ZNRF3: variants seen among roughly 807,000 people sequenced by gnomAD.
ZNRF3 encodes zinc and ring finger 3.
A neutral mutation model predicts 72.5 loss-of-function variants in ZNRF3; 23 were observed. The observed-to-expected ratio is 0.32, with a 90% CI of 0.23 to 0.45. The LOEUF is 0.45. Ranked by LOEUF, ZNRF3 falls within the 20% of genes least tolerant of loss-of-function variation. The pLI is 1.00. For synonymous variants in ZNRF3, 610 were observed against 545.3 expected, an observed-to-expected ratio of 1.12 and a Z score of -1.65; for missense variants, 1,169 against 1,272.1, an observed-to-expected ratio of 0.92 and a Z score of 1.23.
At chr22:28,923,198 T>A (rs1212331043) in intron 1 of ZNRF3, among the ~76,000 whole-genome samples, 1 of 152,170 alleles carries the variant, frequency 6.6e-6, no homozygotes. Context: ...TGAGAGTGGG[T>A]TCTTGTATTT....
chr22:29,001,086 T>TG (rs59583060), intron 2 of ZNRF3, among the ~76,000 whole-genome samples: 1 of 139,326 alleles, frequency 7.2e-6, no homozygotes, highest in Non-Finnish European at 1.5e-5. Context: ...TTTTTTTTTT[T>TG]GAGATGGAGT....
intron 1 of ZNRF3, among the ~76,000 whole-genome samples, chr22:28,960,167 T>C (rs1364675029): frequency 2.6e-5 from 4 of 152,184 alleles, no homozygotes; most frequent in African/African-American, 7.2e-5. Flanking sequence ...GGGAAGCATG[T>C]TAAAAAACCA....
intron 1 of ZNRF3, among the ~76,000 whole-genome samples, chr22:28,963,189 A>T (rs1466357876): frequency 6.6e-6 from 1 of 152,230 alleles, no homozygotes. Flanking sequence ...CCATGTAATG[A>T]AGCAGGAAAC....
At chr22:29,020,250 T>A (rs1040224525) in intron 2 of ZNRF3, among the ~76,000 whole-genome samples, 1 of 35,856 alleles carries the variant, frequency 2.8e-5, no homozygotes, top group East Asian at 7.2e-4. Flanking sequence ...ACAACCATCC[T>A]TTTTTTTTTT....
At chr22:28,895,650 G>A (rs1209531457) in intron 1 of ZNRF3, among the ~76,000 whole-genome samples, 9 of 152,066 alleles carry the variant, frequency 5.9e-5, no homozygotes, top group Admixed American at 5.9e-4. Flanking sequence ...CTGGGCGACA[G>A]AGCGAGACTC....
At chr22:29,009,373 TAAGG>T (rs2036310560) in intron 2 of ZNRF3, among the ~76,000 whole-genome samples, 1 of 152,008 alleles carries the variant, frequency 6.6e-6, no homozygotes, top group Admixed American at 6.6e-5. Flanking sequence ...GTCCCCTTGA[TAAGG>T]AAGGCATTTC....
At chr22:28,886,866 G>A (rs979956587) in intron 1 of ZNRF3, among the ~76,000 whole-genome samples, 1 of 152,044 alleles carries the variant, frequency 6.6e-6, no homozygotes, top group Non-Finnish European at 1.5e-5. Context: ...TGAGGTGGGA[G>A]GATTGCTTGA....
intron 1 of ZNRF3, among the ~76,000 whole-genome samples, chr22:28,914,814 CAAAAAAAA>C (rs567975458): frequency 1.4e-5 from 1 of 69,316 alleles, no homozygotes; most frequent in Non-Finnish European, 3.1e-5. Flanking sequence ...AACTCCGTCT[CAAAAAAAA>C]AAAAAAAAAA....
intron 1 of ZNRF3, among the ~76,000 whole-genome samples, chr22:28,886,155 AGAGTG>A (rs1202929083): frequency 6.6e-6 from 1 of 152,248 alleles, no homozygotes; most frequent in African/African-American, 2.4e-5. Context: ...TTCTGCGGAC[AGAGTG>A]CAGTGTGGCT....
rs372388472 is a variant in ZNRF3, at chr22:28,999,353, A to T, written c.426+12152A>T. 4.6e-4 allele frequency among the ~76,000 whole-genome samples: 70 copies of T among 151,996 alleles called. 1 individual carries two copies. The South Asian group carries it at 0.014, about 31-fold the overall frequency. On this transcript the variant is annotated intron_variant, in intron 2 of 8. Transcript: ENST00000544604. ...TGTCTCCAAAAAAAAAGCTATTGAA[A>T]AAAAATTAGCTGGGCATGGTTAGCT...
chr22:29,043,514 A>C, intron 4 of ZNRF3, 84 bp downstream of exon 4: 1 of 1,520,420 alleles, frequency 6.6e-7, no homozygotes. Context: ...TTTCATTCCT[A>C]TCTCTGTCTG....
At chr22:28,893,475 T>C (rs1180415034) in intron 1 of ZNRF3, among the ~76,000 whole-genome samples, 1 of 151,964 alleles carries the variant, frequency 6.6e-6, no homozygotes, top group East Asian at 1.9e-4. Context: ...CGTGCCAGCA[T>C]TGGTAATTTT....
chr22:29,046,688 C>G, intron 5 of ZNRF3, 28 bp from the exon 6 acceptor site: 1 of 1,568,780 alleles, frequency 6.4e-7, no homozygotes, highest in Non-Finnish European at 8.6e-7. Context: ...GTACTGGACC[C>G]TCACACAGAC....
Position 29,050,866 on chromosome 22 carries a change from G to A in ZNRF3, c.2685G>A (p.Glu895=). The A allele has an allele frequency of 1.3e-6, 2 of 1,598,080 alleles. No individual in the cohort carries two copies. Among genetic ancestry groups the A allele is most frequent in the South Asian group, 2.2e-5 (2 of 90,122 alleles). The change falls in exon 8 of 9, where the codon GAG becomes GAA. Residue 895 remains glutamate, a synonymous_variant. Coordinates refer to ENST00000544604, the MANE Select transcript of ZNRF3 (RefSeq NM_001206998.2). ...RALLRPGCPP[E]EAGAVRANFP... ...TACTGCGGCCTGGCTGCCCTCCGGA[G>A]GAGGCGGGTGCTGTCAGGGCCAACT...
chr22:28,974,689 A>C (rs528930280), intron 1 of ZNRF3, among the ~76,000 whole-genome samples: 1 of 152,296 alleles, frequency 6.6e-6, no homozygotes, highest in South Asian at 2.1e-4. Context: ...ACTCTTGTCC[A>C]GGCTGGCGCG....
At chr22:28,884,174 G>A in intron 1 of ZNRF3, 108 bp downstream of exon 1, 2 of 896,428 alleles carry the variant, frequency 2.2e-6, no homozygotes, top group Non-Finnish European at 2.7e-6. Context: ...CGGGCGGGAG[G>A]GGTGGCCGAG....
intron 1 of ZNRF3, among the ~76,000 whole-genome samples, chr22:28,920,941 C>A (rs971179988): frequency 2.0e-5 from 3 of 152,224 alleles, no homozygotes; most frequent in Admixed American, 1.3e-4. Flanking sequence ...GATTTGCCCC[C>A]AGTCACACAC....
At chr22:28,942,296 C>T (rs1426072313) in intron 1 of ZNRF3, among the ~76,000 whole-genome samples, 1 of 152,250 alleles carries the variant, frequency 6.6e-6, no homozygotes, top group African/African-American at 2.4e-5. Context: ...TGCCTGATAG[C>T]CTGACTTCTC....
chr22:28,994,722 T>A (rs1346053676), intron 2 of ZNRF3, among the ~76,000 whole-genome samples: 1 of 152,108 alleles, frequency 6.6e-6, no homozygotes, highest in African/African-American at 2.4e-5. Flanking sequence ...ATGATTACAG[T>A]GGCAAATTTC....
Sources: gnomAD v4.1 joint callset for allele counts (sites outside exome capture counted in the v4.1 genomes callset) on GRCh38, gnomAD v4.1.1 for gene constraint, MANE v1.5 for transcripts, NCBI Gene and HGNC (gene_info 2026-07-23, HGNC 2026-07-21) for gene names.